TTC29: variants seen among roughly 807,000 people sequenced by gnomAD.
The protein encoded by TTC29 is tetratricopeptide repeat protein 29.
In TTC29, 49 loss-of-function variants were observed where a neutral mutation model predicts 58.1. The observed-to-expected ratio is 0.84, with a 90% CI of 0.67 to 1.07. TTC29 has a LOEUF of 1.07. TTC29 is among the 50% of genes least tolerant of loss of function. The pLI is 0.00. For missense variants in TTC29, 582 were observed against 555.6 expected (o/e 1.05, Z -0.48); for synonymous variants, 209 against 196.8 (o/e 1.06, Z -0.52).
In TTC29 at chr4:146,931,705, A is replaced by C. The variant is rs933310600; in HGVS notation, c.176+5889T>G. 2.0e-5 allele frequency among the ~76,000 whole-genome samples: 3 copies of C among 152,228 alleles called. No individual in the cohort carries two copies. In the South Asian group the frequency reaches 6.2e-4, roughly 32 times the overall value. On this transcript the variant is annotated intron_variant, in intron 4 of 12. Transcript: ENST00000325106. The stretch of plus-strand genomic sequence containing the variant: ...TGTCTATTAGAGCTGGTAAGCTTAA[A>C]CACCATATGTGAAAATAGCATTTTA...
intron 8 of TTC29, among the ~76,000 whole-genome samples, chr4:146,846,022 G>T (rs1398971885): frequency 1.3e-5 from 2 of 152,100 alleles, no homozygotes; most frequent in Admixed American, 6.6e-5. Context: ...CTATTGTAGA[G>T]CCCTTGGGAG....
At chr4:146,729,127 A>G (rs1290452426) in intron 11 of TTC29, among the ~76,000 whole-genome samples, 1 of 151,952 alleles carries the variant, frequency 6.6e-6, no homozygotes, top group Non-Finnish European at 1.5e-5. Flanking sequence ...GATATTGCCA[A>G]ACTACTCTCC....
chr4:146,927,498 C>T (rs1393830621), intron 4 of TTC29, among the ~76,000 whole-genome samples: 1 of 152,062 alleles, frequency 6.6e-6, no homozygotes, highest in Non-Finnish European at 1.5e-5. Context: ...CTGGCCATGA[C>T]CCCCAAACCA....
intron 4 of TTC29, among the ~76,000 whole-genome samples, chr4:146,910,150 G>A (rs1733802911): frequency 6.6e-6 from 1 of 151,432 alleles, no homozygotes; most frequent in Non-Finnish European, 1.5e-5. Context: ...TGATACTACT[G>A]GCAACAAAAA....
chr4:146,895,332 C>T (rs1270920780), intron 6 of TTC29, among the ~76,000 whole-genome samples: 1 of 152,094 alleles, frequency 6.6e-6, no homozygotes, highest in Non-Finnish European at 1.5e-5. Context: ...GATCCCAATC[C>T]CAAGATCCAT....
intron 4 of TTC29, among the ~76,000 whole-genome samples, chr4:146,921,591 T>C (rs971893886): frequency 7.3e-5 from 11 of 151,046 alleles, no homozygotes; most frequent in African/African-American, 2.7e-4. Flanking sequence ...ATATCAGATA[T>C]TATTATAAAC....
At chr4:146,926,609 C>A (rs759936039) in intron 4 of TTC29, among the ~76,000 whole-genome samples, 4 of 151,894 alleles carry the variant, frequency 2.6e-5, no homozygotes, top group Admixed American at 2.6e-4. Flanking sequence ...ATTACAGGTG[C>A]GTGCCACCAT....
chr4:146,807,793 C>T (rs1293389576), intron 10 of TTC29, among the ~76,000 whole-genome samples: 2 of 152,112 alleles, frequency 1.3e-5, no homozygotes, highest in Non-Finnish European at 2.9e-5. Flanking sequence ...GATCCACAGC[C>T]AAATTCTATC....
At chr4:146,747,323 G>T (rs1047799037) in intron 11 of TTC29, among the ~76,000 whole-genome samples, 5 of 152,268 alleles carry the variant, frequency 3.3e-5, no homozygotes, top group Admixed American at 2.0e-4. Flanking sequence ...TACTCCAGGG[G>T]TGAGTAGCCA....
chr4:146,751,020 G>A (rs1745946433), intron 11 of TTC29, among the ~76,000 whole-genome samples: 1 of 152,160 alleles, frequency 6.6e-6, no homozygotes, highest in African/African-American at 2.4e-5. Context: ...GATGAAAGAT[G>A]ACACCCCACA....
At chr4:146,858,098 G>A (rs1316418527) in intron 8 of TTC29, among the ~76,000 whole-genome samples, 1 of 152,278 alleles carries the variant, frequency 6.6e-6, no homozygotes, top group African/African-American at 2.4e-5. Flanking sequence ...AGTGATAATG[G>A]TATCTTACAG....
intron 4 of TTC29, among the ~76,000 whole-genome samples, chr4:146,911,474 T>C (rs1733894102): frequency 6.6e-6 from 1 of 152,210 alleles, no homozygotes; most frequent in African/African-American, 2.4e-5. Context: ...ACATCAGAGA[T>C]GGACACATGT....
At chr4:146,828,043 A>G (rs1032630040) in intron 9 of TTC29, among the ~76,000 whole-genome samples, 4 of 152,174 alleles carry the variant, frequency 2.6e-5, no homozygotes, top group Admixed American at 2.0e-4. Flanking sequence ...AGTCTTCTAC[A>G]TATCAGAAAT....
At chr4:146,836,232 G>C (rs1342334836) in intron 8 of TTC29, among the ~76,000 whole-genome samples, 1 of 152,166 alleles carries the variant, frequency 6.6e-6, no homozygotes, top group African/African-American at 2.4e-5. Flanking sequence ...TGGTAGGAGT[G>C]TCCCTCCTCA....
chr4:146,920,643 C>G (rs1437947806), intron 4 of TTC29, among the ~76,000 whole-genome samples: 1 of 109,188 alleles, frequency 9.2e-6, no homozygotes, highest in Non-Finnish European at 1.7e-5. Flanking sequence ...ACTTATAAAA[C>G]TTATCTTTTA....
intron 11 of TTC29, among the ~76,000 whole-genome samples, chr4:146,779,891 T>A (rs1748458847): frequency 6.6e-6 from 1 of 152,180 alleles, no homozygotes; most frequent in African/African-American, 2.4e-5. Flanking sequence ...GAACCTCCTA[T>A]TAACTAGTTA....
chr4:146,901,982 G>A (rs1216614944), intron 6 of TTC29, among the ~76,000 whole-genome samples: 13 of 152,160 alleles, frequency 8.5e-5, no homozygotes, highest in Admixed American at 8.5e-4. Context: ...CCTATTTCAT[G>A]ACTGCACAGA....
intron 8 of TTC29, among the ~76,000 whole-genome samples, chr4:146,848,415 T>C (rs992516819): frequency 2.6e-5 from 4 of 152,222 alleles, no homozygotes; most frequent in African/African-American, 7.2e-5. Context: ...ATTATTGCTA[T>C]AGGTAGTCAT....
rs568583910 is a variant in TTC29 at position 146,845,423 on chromosome 4, T to G, written c.886-11526A>C. Among the ~76,000 whole-genome samples, 3 of 152,306 alleles carry G rather than the reference T, an allele frequency of 2.0e-5. No individual in the cohort carries two copies. The East Asian group carries it at 5.8e-4, about 29-fold the overall frequency. On this transcript the variant is annotated intron_variant, in intron 8 of 12. Transcript: ENST00000325106. The stretch of plus-strand genomic sequence containing the variant: ...CTTGTGTATTTTTTTATTAATAAAT[T>G]CTCACACTTCACTTGGTTATATTTC...
Sources: allele counts gnomAD v4.1 joint callset (sites outside exome capture counted in the v4.1 genomes callset), GRCh38; gene constraint gnomAD v4.1.1; transcripts MANE v1.5; gene names NCBI Gene and HGNC (gene_info 2026-07-23, HGNC 2026-07-21).